IBSP: variants seen among roughly 807,000 people sequenced by gnomAD.
IBSP encodes the protein integrin-binding sialoprotein.
In IBSP, 19 loss-of-function variants were observed where a neutral mutation model predicts 25.5. That is an observed-to-expected ratio of 0.74 (90% CI 0.52 to 1.09). IBSP has a LOEUF of 1.09. Among genes scored for constraint, IBSP ranks in the 50% least tolerant of loss-of-function variants. IBSP has a pLI of 0.00. For synonymous variants in IBSP, 144 were observed against 137.6 expected, an observed-to-expected ratio of 1.05 and a Z score of -0.33; for missense variants, 360 against 382.3, an observed-to-expected ratio of 0.94 and a Z score of 0.49.
chr4:87,801,398 C>T (rs1017064539), intron 1 of IBSP, among the ~76,000 whole-genome samples: 1 of 151,880 alleles, frequency 6.6e-6, no homozygotes, highest in South Asian at 2.1e-4. Context: ...GTTGCTGTTG[C>T]GTGCTACATG....
Position 87,811,603 on chromosome 4 carries a change from A to G in IBSP, c.647A>G (p.Glu216Gly). The G allele has an allele frequency of 6.2e-7, 1 of 1,613,976 alleles. No individual in the cohort carries two copies. The highest frequency in any genetic ancestry group is 8.5e-7 in the Non-Finnish European group (1 of 1,179,980). ...VTGANAEDTT[E>G]TGRQGKGTSK... ...GGAGCCAATGCAGAAGACACCACAG[A>G]GACCGGAAGGCAGGGCAAGGGCACC... The change falls in exon 7 of 7, where the codon GAG (glutamate) becomes GGG (glycine). Residue 216 changes from glutamate to glycine, a missense_variant. By Grantham distance (98) the Glu-to-Gly change is moderately conservative (BLOSUM62 -2). Transcript: ENST00000226284.
chr4:87,802,384 T>C lies in IBSP; in HGVS notation c.23T>C (p.Leu8Pro), dbSNP rs763452674. The C allele has an allele frequency of 1.9e-6, 3 of 1,610,996 alleles. No individual in the cohort carries two copies. The highest frequency in any genetic ancestry group is 3.4e-5 in the Admixed American group (2 of 59,546). MKTALILLSILGMACAFS... is the reference protein window; with the variant it reads MKTALILPSILGMACAFS... ...AAAATGAAGACTGCTTTAATTTTGC[T>C]CAGCATTTTGGGAATGGCCTGTGCT... The change falls in exon 2 of 7, where the codon CTC (leucine) becomes CCC (proline). Residue 8 changes from leucine (L) to proline (P), a missense_variant. Transcript: ENST00000226284.
At position 87,810,696 on chromosome 4, in the gene IBSP, G is replaced by T. The variant is rs1229201555; in HGVS notation, c.337G>T (p.Gly113Cys). The T allele has an allele frequency of 6.2e-7, 1 of 1,613,692 alleles. No homozygotes were observed. Among genetic ancestry groups the T allele is most frequent in the African/African-American group, 1.3e-5 (1 of 74,862 alleles). Residue 113 changes from glycine to cysteine, a missense_variant, in exon 6 of 7, where the codon GGC becomes TGC. Coordinates refer to ENST00000226284, the MANE Select transcript of IBSP (RefSeq NM_004967.4). ...TACCACACTTTCTGCTACAACACTG[G>T]GCTATGGAGAGGACGCCACGCCTGG... ...ENTTLSATTLGYGEDATPGTG... is the reference protein window; with the variant it reads ...ENTTLSATTLCYGEDATPGTG...
At chr4:87,804,069 G>A (rs1722058888) in intron 4 of IBSP, among the ~76,000 whole-genome samples, 1 of 152,134 alleles carries the variant, frequency 6.6e-6, no homozygotes, top group South Asian at 2.1e-4. Flanking sequence ...AGATCAAGGA[G>A]ATCTTTAATA....
chr4:87,806,509 T>C (rs1722091556), intron 5 of IBSP, among the ~76,000 whole-genome samples: 1 of 152,224 alleles, frequency 6.6e-6, no homozygotes, highest in South Asian at 2.1e-4. Flanking sequence ...CAGATAGCAT[T>C]ACTTCTATTT....
chr4:87,809,566 CTGTT>C (rs147571938), intron 5 of IBSP, among the ~76,000 whole-genome samples: 2,722 of 152,294 alleles, frequency 0.018, 22 homozygotes, highest in Non-Finnish European at 0.031. Flanking sequence ...AGCTTGGAGA[CTGTT>C]TGGGGTATAC....
At chr4:87,807,228 T>C (rs964979790) in intron 5 of IBSP, among the ~76,000 whole-genome samples, 3 of 152,192 alleles carry the variant, frequency 2.0e-5, no homozygotes, top group African/African-American at 7.2e-5. Context: ...TAGTCAATTA[T>C]AGCTACCACT....
chr4:87,811,283 T>C, intron 6 of IBSP, 79 bp from the exon 7 acceptor site: 3 of 1,464,860 alleles, frequency 2.0e-6, no homozygotes, highest in Non-Finnish European at 2.8e-6. Flanking sequence ...GCTGTCAGTA[T>C]TGTGTTGCAT....
chr4:87,807,614 T>C (rs763031905), intron 5 of IBSP, among the ~76,000 whole-genome samples: 19 of 152,210 alleles, frequency 1.2e-4, no homozygotes, highest in Non-Finnish European at 2.6e-4. Flanking sequence ...GTCAACTACA[T>C]TTCCCAACTA....
chr4:87,812,007 AT>A lies in IBSP; in HGVS notation c.*99del. 1 of 949,338 alleles carries A rather than the reference AT, an allele frequency of 1.1e-6. No homozygotes were observed. The highest frequency in any genetic ancestry group is 1.6e-6 in the Non-Finnish European group (1 of 639,256). The allele number at this position is 949,338 out of a possible 1,614,324, so 58.8% of individuals were successfully genotyped here. ...AAGGTGCAATATAACAAATGTGCAT[AT>A]TATAATGAGGAATGGTACTACCGTT... On this transcript the variant is annotated 3_prime_UTR_variant, in exon 7 of 7. Transcript: ENST00000226284.
At position 87,811,936 on chromosome 4, in the gene IBSP, C is replaced by T; in HGVS notation, c.*26C>T. 2 of 1,497,716 alleles carry T rather than the reference C, an allele frequency of 1.3e-6. No individual in the cohort carries two copies. Among genetic ancestry groups the T allele is most frequent in the Non-Finnish European group, 8.9e-7 (1 of 1,121,602 alleles). 92.8% of individuals were successfully genotyped at this position (1,497,716 alleles called of 1,614,324 possible). On this transcript the variant is annotated 3_prime_UTR_variant, in exon 7 of 7. Transcript: ENST00000226284. ...AGCTCCAGCCTGGGATGAATTCATC[C>T]ATTCTGGCTTTGCATCCGGCTACCA...
chr4:87,810,281 TAG>T (rs1471861340), intron 5 of IBSP, among the ~76,000 whole-genome samples: 10 of 152,192 alleles, frequency 6.6e-5, no homozygotes, highest in African/African-American at 2.2e-4. Flanking sequence ...AAGAATTTCT[TAG>T]AGTGTTTAGT....
chr4:87,808,208 G>T (rs1362151762), intron 5 of IBSP, among the ~76,000 whole-genome samples: 1 of 149,088 alleles, frequency 6.7e-6, no homozygotes, highest in Non-Finnish European at 1.5e-5. Context: ...TTGAGACGGA[G>T]TCTCGCTCTG....
At chr4:87,802,799 C>T in intron 4 of IBSP, 68 bp downstream of exon 4, 1 of 982,204 alleles carries the variant, frequency 1.0e-6, no homozygotes, top group Non-Finnish European at 1.4e-6. Flanking sequence ...CAAATTTTAA[C>T]TATAAAACAC....
chr4:87,810,746 A>T lies in IBSP; in HGVS notation c.387A>T (p.Ala129=). ...TPGTGYTGLA[A]IQLPKKAGDI... The stretch of plus-strand genomic sequence containing the variant: ...GCACAGGGTATACAGGGTTAGCTGC[A>T]ATCCAGCTTCCCAAGAAGGTAACAA... Residue 129 remains alanine (A), a synonymous_variant, in exon 6 of 7, where the codon GCA becomes GCT. Transcript: ENST00000226284. The T allele has an allele frequency of 6.2e-7, 1 of 1,610,068 alleles. No individual in the cohort carries two copies. The highest frequency in any genetic ancestry group is 1.1e-5 in the South Asian group (1 of 89,582).
At chr4:87,808,424 G>A (rs969184981) in intron 5 of IBSP, among the ~76,000 whole-genome samples, 9 of 151,918 alleles carry the variant, frequency 5.9e-5, no homozygotes, top group South Asian at 2.1e-4. Context: ...CTCGTGATCC[G>A]CCCGCCTCGG....
At chr4:87,801,936 C>T (rs1265430235) in intron 1 of IBSP, among the ~76,000 whole-genome samples, 1 of 152,084 alleles carries the variant, frequency 6.6e-6, no homozygotes, top group Admixed American at 6.6e-5. Context: ...CATACCTGGT[C>T]GAGTTTTTAA....
In IBSP at chr4:87,802,690, C is replaced by T. The variant is rs114009564; in HGVS notation, c.142C>T (p.His48Tyr). ...KYRPRYYLYK[H>Y]AYFYPHLKRF... ...CAGGCCACGATATTATCTTTACAAG[C>T]ATGCCTACTTTTATCCTCATTTAAA... is the stretch of plus-strand genomic sequence containing the variant. Residue 48 changes from histidine to tyrosine, a missense_variant, in exon 4 of 7, where the codon CAT becomes TAT. Coordinates refer to ENST00000226284, the MANE Select transcript of IBSP (RefSeq NM_004967.4). The T allele has an allele frequency of 2.9e-4, 462 of 1,566,324 alleles. No individual in the cohort carries two copies. In the African/African-American group the frequency reaches 5.3e-3, roughly 18 times the overall value.
chr4:87,800,307 A>C (rs1721995669), intron 1 of IBSP, among the ~76,000 whole-genome samples: 1 of 152,270 alleles, frequency 6.6e-6, no homozygotes, highest in South Asian at 2.1e-4. Context: ...GACTACAAGA[A>C]CTACTTGGTT....
Sources: gnomAD v4.1 joint callset for allele counts (sites outside exome capture counted in the v4.1 genomes callset) on GRCh38, gnomAD v4.1.1 for gene constraint, MANE v1.5 for transcripts, NCBI Gene and HGNC (gene_info 2026-07-23, HGNC 2026-07-21) for gene names.